LYSET: variants seen among roughly 807,000 people sequenced by gnomAD.
The protein encoded by LYSET is GNPTAB cleavage and activity factor.
At chr14:93,185,433 C>T in the LYSET span, 3 of 1,613,464 alleles carry the variant, frequency 1.9e-6, no homozygotes, top group Non-Finnish European at 2.5e-6. Context: ...TTATTCAGAG[C>T]TGAGTGACTC....
At chr14:93,186,116 G>A in the LYSET span, 5 of 706,600 alleles carry the variant, frequency 7.1e-6, no homozygotes, top group East Asian at 5.3e-5. Flanking sequence ...TGATCCACCC[G>A]CCTCAGCCTC....
the LYSET span, chr14:93,186,486 T>C: frequency 6.2e-7 from 1 of 1,614,244 alleles, no homozygotes; most frequent in Non-Finnish European, 8.5e-7. Flanking sequence ...TTTTTGGGTG[T>C]GGACAGTTAT....
the LYSET span, among the ~76,000 whole-genome samples, chr14:93,186,054 A>G: frequency 6.6e-6 from 1 of 151,954 alleles, no homozygotes; most frequent in African/African-American, 2.4e-5. Context: ...TATTTTTAGT[A>G]GAGACGGGAT....
At chr14:93,185,544 C>G in the LYSET span, 1 of 1,414,374 alleles carries the variant, frequency 7.1e-7, no homozygotes, top group East Asian at 2.3e-5. Context: ...ACCCCGCGTT[C>G]ACGTCTGAAG....
the LYSET span, chr14:93,187,042 T>C: frequency 9.8e-6 from 2 of 204,256 alleles, no homozygotes; most frequent in African/African-American, 4.7e-5. Context: ...TTGTGTTAAG[T>C]GTAAAAAGGT....
At chr14:93,185,350 A>T in the LYSET span, 1 of 1,565,264 alleles carries the variant, frequency 6.4e-7, no homozygotes, top group African/African-American at 1.4e-5. Flanking sequence ...GGCGGCGCTC[A>T]CCTTTCTCCT....
chr14:93,185,580 T>G, the LYSET span: 1 of 1,061,940 alleles, frequency 9.4e-7, no homozygotes, highest in South Asian at 1.3e-5. Flanking sequence ...AGAAAGTGTT[T>G]CACCTGTCAA....
chr14:93,188,181 A>G, the LYSET span, among the ~76,000 whole-genome samples: 3 of 151,290 alleles, frequency 2.0e-5, no homozygotes, highest in Non-Finnish European at 4.4e-5. Context: ...CTGGTCCCGA[A>G]CTCCTGACCT....
chr14:93,185,737 GTTTT>G, the LYSET span, among the ~76,000 whole-genome samples: 1 of 151,784 alleles, frequency 6.6e-6, no homozygotes, highest in Non-Finnish European at 1.5e-5. Flanking sequence ...ATGGTTTTTT[GTTTT>G]TTTGTGTGTG....
At chr14:93,185,179 AG>A in the LYSET span, 1 of 195,640 alleles carries the variant, frequency 5.1e-6, no homozygotes, top group Non-Finnish European at 1.0e-5. Context: ...GCAGCGCGGC[AG>A]GGGGCGGGGC....
the LYSET span, chr14:93,185,612 C>T: frequency 2.6e-5 from 20 of 772,914 alleles, no homozygotes; most frequent in Middle Eastern, 2.7e-4. Flanking sequence ...CTGTGAGAAA[C>T]TAGTTTAATT....
chr14:93,185,126 C>A, the LYSET span: 1 of 150,444 alleles, frequency 6.6e-6, no homozygotes, highest in Non-Finnish European at 1.5e-5. Flanking sequence ...GAGGCCCGGG[C>A]CTGGCGCCGC....
chr14:93,186,668 G>A, the LYSET span: 13 of 1,586,220 alleles, frequency 8.2e-6, 1 homozygote, highest in South Asian at 2.3e-5. Flanking sequence ...TGATTGACAC[G>A]TAAAATCAGT....
the LYSET span, among the ~76,000 whole-genome samples, chr14:93,186,035 T>A: frequency 0.27 from 40,602 of 151,378 alleles, 5,755 homozygotes; most frequent in African/African-American, 0.33. Context: ...CGCCCGGCTA[T>A]TTTTTTTGTA....
the LYSET span, chr14:93,185,265 G>C: frequency 6.0e-6 from 4 of 666,620 alleles, no homozygotes; most frequent in African/African-American, 1.9e-5. Context: ...TCCGGCGGCG[G>C]CGACGGGGGC....
chr14:93,186,570 T>C, the LYSET span: 1 of 1,614,264 alleles, frequency 6.2e-7, no homozygotes, highest in Non-Finnish European at 8.5e-7. Flanking sequence ...AACAGTGGGC[T>C]ACTGTATCAT....
At chr14:93,187,383 C>A in the LYSET span, among the ~76,000 whole-genome samples, 5 of 152,078 alleles carry the variant, frequency 3.3e-5, no homozygotes, top group African/African-American at 1.2e-4. Context: ...CTCTGGCTCC[C>A]TAAGTGCTAG....
chr14:93,185,004 G>T, the LYSET span: 1 of 160,166 alleles, frequency 6.2e-6, no homozygotes, highest in South Asian at 1.6e-4. Flanking sequence ...CCGGGACGGC[G>T]GGCGGGCTGG....
At chr14:93,185,607 A>G in the LYSET span, 1 of 805,774 alleles carries the variant, frequency 1.2e-6, no homozygotes, top group Non-Finnish European at 2.0e-6. Flanking sequence ...ATGTGCTGTG[A>G]GAAACTAGTT....
Sources: allele counts gnomAD v4.1 joint callset (sites outside exome capture counted in the v4.1 genomes callset), GRCh38; gene constraint gnomAD v4.1.1; transcripts MANE v1.5; gene names NCBI Gene and HGNC (gene_info 2026-07-23, HGNC 2026-07-21).